Variants in PCDHAC2 observed in about 807,000 individuals in gnomAD.
The protein encoded by PCDHAC2 is protocadherin alpha-C2.
PCDHAC2 carries 24 observed loss-of-function variants against 63.3 expected under a neutral mutation model. The ratio of observed to expected loss-of-function variants is 0.38; its 90% CI spans 0.27 to 0.53. PCDHAC2 has a LOEUF of 0.53. PCDHAC2 is among the 20% of genes least tolerant of loss of function. The probability of loss-of-function intolerance (pLI) is 0.81; values close to 1 mark genes in which losing one functional copy is unlikely to be tolerated. For synonymous variants in PCDHAC2, 569 were observed against 529.4 expected, an observed-to-expected ratio of 1.07 and a Z score of -1.03; for missense variants, 1,181 against 1,275.2, an observed-to-expected ratio of 0.93 and a Z score of 1.12.
chr5:140,986,308 A>G (rs1399323765), intron 3 of PCDHAC2, among the ~76,000 whole-genome samples: 1 of 152,162 alleles, frequency 6.6e-6, no homozygotes, highest in African/African-American at 2.4e-5. Context: ...AGAGAAAATT[A>G]GCTAAATCAG....
In PCDHAC2 at chr5:140,985,961, A is replaced by G. The variant is rs529433053; in HGVS notation, c.2713+3398A>G. ...TCACTGTGTTAGCCAGGATGGTCTCAATCTCCTGACCTCGTGATCCGCCCA... is the reference window on the plus strand; with the variant it reads ...TCACTGTGTTAGCCAGGATGGTCTCGATCTCCTGACCTCGTGATCCGCCCA... On this transcript the variant is annotated intron_variant, in intron 3 of 3. Transcript: ENST00000289269. 9.3e-3 allele frequency among the ~76,000 whole-genome samples: 1,411 copies of G among 151,982 alleles called. 12 individuals carry two copies. Among genetic ancestry groups the G allele is most frequent in the Non-Finnish European group, 0.015 (1,024 of 67,944 alleles).
intron 3 of PCDHAC2, among the ~76,000 whole-genome samples, chr5:140,994,117 G>C (rs889813029): frequency 6.6e-6 from 1 of 152,198 alleles, no homozygotes; most frequent in Non-Finnish European, 1.5e-5. Flanking sequence ...ATTGTCATGT[G>C]ATAAGGGCGA....
chr5:141,000,413 A>T (rs1563651324), intron 3 of PCDHAC2, among the ~76,000 whole-genome samples: 4 of 93,212 alleles, frequency 4.3e-5, no homozygotes, highest in African/African-American at 1.8e-4. Flanking sequence ...ATATATATAT[A>T]TATATATATT....
chr5:140,967,561 G>T lies in PCDHAC2; in HGVS notation c.795G>T (p.Gln265His). 1 of 1,614,076 alleles carries T rather than the reference G, an allele frequency of 6.2e-7. No individual in the cohort carries two copies. Among genetic ancestry groups the T allele is most frequent in the Non-Finnish European group, 8.5e-7 (1 of 1,179,998 alleles). The change falls in exon 1 of 4, where the codon CAG (glutamine) becomes CAT (histidine). Residue 265 changes from glutamine (Q) to histidine (H), a missense_variant. Transcript: ENST00000289269. The stretch of plus-strand genomic sequence containing the variant: ...TTGACCAGTCCACTTATCGCGTCCA[G>T]CTACGGGAGGACTCACCCCCAGGCA... ...PAFDQSTYRVQLREDSPPGTL... is the reference protein window; with the variant it reads ...PAFDQSTYRVHLREDSPPGTL...
At position 140,967,189 on chromosome 5, in the gene PCDHAC2, C is replaced by T. The variant is rs1554229286; in HGVS notation, c.423C>T (p.Ile141=). Residue 141 remains isoleucine (I), a synonymous_variant, in exon 1 of 4, where the codon ATC becomes ATT. Transcript: ENST00000289269. ...VSAVEVEILD[I]NDNSPRFPRP... ...CCGTTGAGGTGGAAATATTGGACATCAACGACAACTCACCGCGTTTCCCGC... is the reference window on the plus strand; with the variant it reads ...CCGTTGAGGTGGAAATATTGGACATTAACGACAACTCACCGCGTTTCCCGC... The T allele has an allele frequency of 1.2e-6, 2 of 1,613,522 alleles. No homozygotes were observed. The highest frequency in any genetic ancestry group is 1.7e-5 in the Admixed American group (1 of 60,024).
chr5:140,970,814 C>T (rs1175939096), intron 1 of PCDHAC2, among the ~76,000 whole-genome samples: 1 of 152,068 alleles, frequency 6.6e-6, no homozygotes, highest in Non-Finnish European at 1.5e-5. Flanking sequence ...ATTTCAAGTT[C>T]ATGGTAATCT....
At chr5:140,986,077 A>G (rs1335070462) in intron 3 of PCDHAC2, among the ~76,000 whole-genome samples, 2 of 152,094 alleles carry the variant, frequency 1.3e-5, no homozygotes, top group Non-Finnish European at 2.9e-5. Flanking sequence ...GAAACTGTTC[A>G]TTTATTTTCA....
In PCDHAC2 at chr5:140,993,461, CT is replaced by C. The variant is rs1554253717; in HGVS notation, c.2713+10899del. 2.8e-3 allele frequency among the ~76,000 whole-genome samples: 284 copies of C among 103,272 alleles called. 3 individuals are homozygous for C. Among genetic ancestry groups the C allele is most frequent in the African/African-American group, 0.011 (251 of 22,630 alleles). 67.8% of individuals were successfully genotyped at this position (103,272 alleles called of 152,430 possible). ...TCATTCCTGTTCTCCTTCTTTCTTTCTCACACACACACACACACACACACAC... is the reference window on the plus strand; with the variant it reads ...TCATTCCTGTTCTCCTTCTTTCTTTCCACACACACACACACACACACACAC... On this transcript the variant is annotated intron_variant, in intron 3 of 3. Coordinates refer to ENST00000289269, the MANE Select transcript of PCDHAC2 (RefSeq NM_018899.6).
At chr5:140,982,360 AG>A in intron 2 of PCDHAC2, 114 bp from the exon 3 acceptor site, 1 of 1,527,158 alleles carries the variant, frequency 6.5e-7, no homozygotes, top group Non-Finnish European at 8.8e-7. Context: ...AAGCATGAGC[AG>A]AATGTGTTAG....
Position 140,968,808 on chromosome 5 carries a change from T to C in PCDHAC2, c.2042T>C (p.Val681Ala). ...TCTGTGGCCATTACAGTAGCTGTGG[T>C]GGATAGGGTTTCCAAAATCCTCCCT... Reference protein sequence around the residue: ...SASVAITVAVVDRVSKILPDT... With the variant: ...SASVAITVAVADRVSKILPDT... Residue 681 changes from valine (V) to alanine (A), a missense_variant, in exon 1 of 4, where the codon GTG becomes GCG. Val to Ala is a moderately conservative substitution (Grantham distance 64). Coordinates refer to ENST00000289269, the MANE Select transcript of PCDHAC2 (RefSeq NM_018899.6). The C allele has an allele frequency of 6.2e-7, 1 of 1,614,204 alleles. No homozygotes were observed. Among genetic ancestry groups the C allele is most frequent in the South Asian group, 1.1e-5 (1 of 91,082 alleles).
intron 3 of PCDHAC2, among the ~76,000 whole-genome samples, chr5:140,989,918 G>A (rs1554251173): frequency 6.6e-6 from 1 of 151,960 alleles, no homozygotes; most frequent in East Asian, 1.9e-4. Flanking sequence ...AAGAGGGAGA[G>A]CAGAGATAGA....
At chr5:140,992,017 CTGTGTGTGTGTGTG>C (rs10602499) in intron 3 of PCDHAC2, among the ~76,000 whole-genome samples, 7 of 145,626 alleles carry the variant, frequency 4.8e-5, no homozygotes, top group East Asian at 2.0e-4. Context: ...AGAGGTGGCT[CTGTGTGTGTGTGTG>C]TGTGTGTGTG....
intron 3 of PCDHAC2, among the ~76,000 whole-genome samples, chr5:140,992,987 C>G (rs1259400627): frequency 6.6e-6 from 1 of 152,158 alleles, no homozygotes; most frequent in East Asian, 1.9e-4. Context: ...GGCCATGGGA[C>G]CCATGAAAGA....
chr5:140,993,528 A>G (rs78672098), intron 3 of PCDHAC2, among the ~76,000 whole-genome samples: 1 of 151,976 alleles, frequency 6.6e-6, no homozygotes, highest in Admixed American at 6.6e-5. Context: ...AGAGACAGAG[A>G]GAGAGAGAGA....
In PCDHAC2 at chr5:141,010,896, A is replaced by G. The variant is rs1433932699; in HGVS notation, c.*959A>G. 6.5e-6 allele frequency: 1 copy of G among 153,790 alleles called. No individual in the cohort carries two copies. The highest frequency in any genetic ancestry group is 1.5e-5 in the Non-Finnish European group (1 of 68,052). The allele number at this position is 153,790 out of a possible 1,614,324, so 9.5% of individuals were successfully genotyped here. A position where few individuals can be genotyped will look rare whatever the true frequency, so the allele number is the denominator to read the frequency against. Reference sequence around the variant, plus strand: ...ATCTTTAAAGAGAAATATGAATACAATTCCCCTAAACTCTCCTCAAAAGAG... The same window carrying G: ...ATCTTTAAAGAGAAATATGAATACAGTTCCCCTAAACTCTCCTCAAAAGAG... On this transcript the variant is annotated 3_prime_UTR_variant, in exon 4 of 4. Coordinates refer to ENST00000289269, the MANE Select transcript of PCDHAC2 (RefSeq NM_018899.6).
intron 3 of PCDHAC2, among the ~76,000 whole-genome samples, chr5:140,996,588 G>A (rs1031631617): frequency 3.2e-4 from 49 of 152,082 alleles, no homozygotes; most frequent in Admixed American, 2.0e-3. Flanking sequence ...AACAAGGGCC[G>A]CCTCCCCCCA....
chr5:140,979,462 T>C (rs2096852361), intron 2 of PCDHAC2, among the ~76,000 whole-genome samples: 1 of 152,304 alleles, frequency 6.6e-6, no homozygotes, highest in East Asian at 1.9e-4. Context: ...CAATAATTGA[T>C]TGCTATTGTT....
intron 1 of PCDHAC2, among the ~76,000 whole-genome samples, chr5:140,977,613 G>T (rs1554238687): frequency 2.0e-5 from 3 of 152,150 alleles, no homozygotes; most frequent in African/African-American, 7.2e-5. Flanking sequence ...TTGAGGTAAA[G>T]TATCCCAGAG....
At chr5:140,993,958 G>A (rs782075870) in intron 3 of PCDHAC2, among the ~76,000 whole-genome samples, 1 of 152,162 alleles carries the variant, frequency 6.6e-6, no homozygotes, top group Non-Finnish European at 1.5e-5. Context: ...ATACATGACT[G>A]TAGTCATCAT....
Sources: gnomAD v4.1 joint callset for allele counts (sites outside exome capture counted in the v4.1 genomes callset) on GRCh38, gnomAD v4.1.1 for gene constraint, MANE v1.5 for transcripts, NCBI Gene and HGNC (gene_info 2026-07-23, HGNC 2026-07-21) for gene names.